TMEM210: variants seen among roughly 807,000 people sequenced by gnomAD.
The protein encoded by TMEM210 is transmembrane protein 210.
Under a neutral mutation model 10.3 loss-of-function variants are expected in TMEM210, and 7 were observed. The ratio of observed to expected loss-of-function variants is 0.68; its 90% CI spans 0.39 to 1.28. The LOEUF (loss-of-function observed/expected upper bound fraction) is 1.28, where lower values mean the gene tolerates loss of function less well. TMEM210 is among the 50% of genes most tolerant of loss of function. The pLI, the probability that TMEM210 is intolerant of heterozygous loss-of-function variation, is 0.01. For synonymous variants in TMEM210, 79 were observed against 81.2 expected (o/e 0.97, Z 0.14); for missense variants, 185 against 197.8 (o/e 0.94, Z 0.39).
Position 137,170,949 on chromosome 9 carries a change from C to T in TMEM210, c.*26G>A, listed in dbSNP as rs1294263146. 6.6e-7 allele frequency: 1 copy of T among 1,524,208 alleles called. No individual in the cohort carries two copies. The highest frequency in any genetic ancestry group is 8.8e-7 in the Non-Finnish European group (1 of 1,140,308). The allele number at this position is 1,524,208 out of a possible 1,614,324, so 94.4% of individuals were successfully genotyped here. ...CACAGCCACTAAATACGCTTTAATTCCCCTCCCCCAGCTGCCCTCAGCCCT... is the reference window on the plus strand; with the variant it reads ...CACAGCCACTAAATACGCTTTAATTTCCCTCCCCCAGCTGCCCTCAGCCCT... On this transcript the variant is annotated 3_prime_UTR_variant, in exon 4 of 4. Transcript: ENST00000413619.
rs778703871 is a variant in TMEM210, at chr9:137,171,067, C to G, written c.352G>C (p.Val118Leu). Residue 118 changes from valine (V) to leucine (L), a missense_variant, in exon 4 of 4, where the codon GTG (valine) becomes CTG (leucine). Coordinates refer to ENST00000413619, the MANE Select transcript of TMEM210 (RefSeq NM_001282477.2). ...AGGCTCTGATCCTCTAGTGGTGGCACCAGGGAGACCTCCAGGTCAGCGTCC... is the reference window on the plus strand; with the variant it reads ...AGGCTCTGATCCTCTAGTGGTGGCAGCAGGGAGACCTCCAGGTCAGCGTCC... ...LMDADLEVSL[V>L]PPLEDQSLVA... 3.9e-6 allele frequency: 6 copies of G among 1,535,372 alleles called. No individual in the cohort carries two copies. The highest frequency in any genetic ancestry group is 2.0e-5 in the Admixed American group (1 of 50,956).
Position 137,171,116 on chromosome 9 carries a change from C to A in TMEM210, c.303G>T (p.Pro101=). Residue 101 remains proline, a synonymous_variant, in exon 4 of 4, where the codon CCG becomes CCT. Transcript: ENST00000413619. ...GVQEDLMDLH[P]VYVESQLMDA... ...CCATTAGCTGGGACTCCACGTAAAC[C>A]GGGTGCAGGTCCATGAGATCTTCCT... 1 of 1,535,344 alleles carries A rather than the reference C, an allele frequency of 6.5e-7. No individual in the cohort carries two copies. The highest frequency in any genetic ancestry group is 8.7e-7 in the Non-Finnish European group (1 of 1,146,520).
rs1224592785 is a variant in TMEM210, at chr9:137,171,830, C to G, written c.89-54G>C. On this transcript the variant is annotated intron_variant, in intron 1 of 3. Transcript: ENST00000413619. ...GCCGGTCACCTGCCTGCAGAGGGCC[C>G]CCAAGTCTGCCCCTGCCCTGGTAGC... The G allele has an allele frequency of 2.0e-6, 3 of 1,466,818 alleles. No individual in the cohort carries two copies. The African/African-American group carries it at 4.2e-5, about 21-fold the overall frequency. The allele number at this position is 1,466,818 out of a possible 1,614,324, so 90.9% of individuals were successfully genotyped here.
At chr9:137,171,319 CCCT>C (rs975565761) in intron 3 of TMEM210, 92 bp downstream of exon 3, 3 of 1,515,796 alleles carry the variant, frequency 2.0e-6, no homozygotes, top group Non-Finnish European at 1.8e-6. Context: ...GGGACAGCAC[CCCT>C]CCTCCTCCAG....
chr9:137,172,050 C>T lies in TMEM210; in HGVS notation c.-23G>A, dbSNP rs1339328659. Reference sequence around the variant, plus strand: ...CATGTCCAGCCCTGGCCCCACTGCACACCTCTGACGGAACTGTTGGAAGGT... The same window carrying T: ...CATGTCCAGCCCTGGCCCCACTGCATACCTCTGACGGAACTGTTGGAAGGT... On this transcript the variant is annotated 5_prime_UTR_variant, in exon 1 of 4. In the 5' UTR this introduces an upstream ATG that the reference lacks. Transcript: ENST00000413619. 2.2e-6 allele frequency: 3 copies of T among 1,373,502 alleles called. No homozygotes were observed. Among genetic ancestry groups the T allele is most frequent in the Admixed American group, 6.9e-5 (2 of 29,026 alleles). The allele number at this position is 1,373,502 out of a possible 1,614,324, so 85.1% of individuals were successfully genotyped here. A position where few individuals can be genotyped will look rare whatever the true frequency, so the allele number is the denominator to read the frequency against.
rs1168700402 is a variant in TMEM210, at chr9:137,171,926, G to T, written c.88+14C>A. The T allele has an allele frequency of 2.8e-6, 4 of 1,433,838 alleles. No homozygotes were observed. In the African/African-American group the frequency reaches 5.7e-5, roughly 21 times the overall value. The allele number at this position is 1,433,838 out of a possible 1,614,324, so 88.8% of individuals were successfully genotyped here. On this transcript the variant is annotated intron_variant, in intron 1 of 3. Coordinates refer to ENST00000413619, the MANE Select transcript of TMEM210 (RefSeq NM_001282477.2). ...CCATGGCTGGGAGTGGAGTGCGGGG[G>T]CAGGAGGAGGCACCTGCAGCAGGGA...
rs1409912950 is a variant in TMEM210 at position 137,171,925 on chromosome 9, GGC to G, written c.88+13_88+14del. Reference sequence around the variant, plus strand: ...GCCATGGCTGGGAGTGGAGTGCGGGGGCAGGAGGAGGCACCTGCAGCAGGGAT... The same window carrying G: ...GCCATGGCTGGGAGTGGAGTGCGGGGAGGAGGAGGCACCTGCAGCAGGGAT... On this transcript the variant is annotated intron_variant, in intron 1 of 3. Transcript: ENST00000413619. The G allele has an allele frequency of 1.3e-5, 18 of 1,433,540 alleles. No individual in the cohort carries two copies. Among genetic ancestry groups the G allele is most frequent in the Non-Finnish European group, 1.5e-5 (17 of 1,097,042 alleles). 88.8% of individuals were successfully genotyped at this position (1,433,540 alleles called of 1,614,324 possible).
rs368979492 is a variant in TMEM210, at chr9:137,171,876, T to G, written c.88+64A>C. The G allele has an allele frequency of 2.2e-4, 309 of 1,434,342 alleles. No homozygotes were observed. The African/African-American group carries it at 4.0e-3, about 19-fold the overall frequency. The allele number at this position is 1,434,342 out of a possible 1,614,324, so 88.9% of individuals were successfully genotyped here. A position where few individuals can be genotyped will look rare whatever the true frequency, so the allele number is the denominator to read the frequency against. ...GTAGCCACCAGAAGGACACCAGAGC[T>G]CCCACCTTGCCTGGGGAAGGGGAGC... On this transcript the variant is annotated intron_variant, in intron 1 of 3. Coordinates refer to ENST00000413619, the MANE Select transcript of TMEM210 (RefSeq NM_001282477.2).
Position 137,171,736 on chromosome 9 carries a change from CT to C in TMEM210, c.128del (p.Glu43GlyfsTer66). 1 of 1,535,354 alleles carries C rather than the reference CT, an allele frequency of 6.5e-7. No homozygotes were observed. Among genetic ancestry groups the C allele is most frequent in the Non-Finnish European group, 8.7e-7 (1 of 1,146,514 alleles). On this transcript the variant is annotated frameshift_variant, in exon 2 of 4. Coordinates refer to ENST00000413619, the MANE Select transcript of TMEM210 (RefSeq NM_001282477.2). LOFTEE classifies it high-confidence loss of function. ...YCECSLGLSR[E>X]ALIALLVVLA... ...GCACCACAAGGAGGGCGATGAGGGC[CT>C]CGCGGCTGAGGCCAAGGCTGCATTC...
At position 137,171,736 on chromosome 9, in the gene TMEM210, C is replaced by T. The variant is rs1337019562; in HGVS notation, c.129G>A (p.Glu43=). 5.2e-6 allele frequency: 8 copies of T among 1,535,236 alleles called. No individual in the cohort carries two copies. Among genetic ancestry groups the T allele is most frequent in the Non-Finnish European group, 7.0e-6 (8 of 1,146,522 alleles). Residue 43 remains glutamate (E), a synonymous_variant, in exon 2 of 4, where the codon GAG becomes GAA. Transcript: ENST00000413619. ...GCACCACAAGGAGGGCGATGAGGGC[C>T]TCGCGGCTGAGGCCAAGGCTGCATT... ...YCECSLGLSR[E]ALIALLVVLA...
In TMEM210 at chr9:137,171,062, T is replaced by C; in HGVS notation, c.357A>G (p.Pro119=). ...CCACAAGGCTCTGATCCTCTAGTGG[T>C]GGCACCAGGGAGACCTCCAGGTCAG... is the stretch of plus-strand genomic sequence containing the variant. ...MDADLEVSLV[P]PLEDQSLVAI... The change falls in exon 4 of 4, where the codon CCA becomes CCG. Residue 119 remains proline, a synonymous_variant. Transcript: ENST00000413619. 1 of 1,535,330 alleles carries C rather than the reference T, an allele frequency of 6.5e-7. No individual in the cohort carries two copies. Among genetic ancestry groups the C allele is most frequent in the South Asian group, 1.2e-5 (1 of 84,056 alleles).
rs72763276 is a variant in TMEM210 at position 137,171,651 on chromosome 9, G to A, written c.214C>T (p.Arg72Trp). Residue 72 changes from arginine (R) to tryptophan (W), a missense_variant, in exon 2 of 4, where the codon CGG becomes TGG. Transcript: ENST00000413619. ...CCAGGGTTCACGCACCCCTTGGCCC[G>A]CAAGACACCAATTGCCACGATGACG... ...ALVIVAIGVL[R>W]AKGETCPRQV... is the part of the protein sequence containing the mutation. 0.011 allele frequency: 16,483 copies of A among 1,534,548 alleles called. 122 individuals are homozygous for A. The highest frequency in any genetic ancestry group is 0.012 in the Non-Finnish European group (14,322 of 1,146,042).
At chr9:137,171,826 G>A (rs549372469) in intron 1 of TMEM210, 50 bp from the exon 2 acceptor site, 131 of 1,475,240 alleles carry the variant, frequency 8.9e-5, no homozygotes, top group Non-Finnish European at 1.2e-4. Flanking sequence ...GCCTGCAGAG[G>A]GCCCCCAAGT....
chr9:137,171,196 T>C (rs1429699251), intron 3 of TMEM210, 32 bp from the exon 4 acceptor site: 3 of 1,527,868 alleles, frequency 2.0e-6, no homozygotes, highest in Non-Finnish European at 2.6e-6. Context: ...CACGAGCTGG[T>C]AGAGTCCTTG....
intron 3 of TMEM210, 76 bp from the exon 4 acceptor site, chr9:137,171,240 C>T (rs1187077492): frequency 2.0e-6 from 3 of 1,489,028 alleles, no homozygotes; most frequent in Non-Finnish European, 2.7e-6. Flanking sequence ...TGGGACAGTG[C>T]ACCCCCACAA....
Position 137,171,933 on chromosome 9 carries a change from G to A in TMEM210, c.88+7C>T. 7.0e-7 allele frequency: 1 copy of A among 1,433,552 alleles called. No individual in the cohort carries two copies. The highest frequency in any genetic ancestry group is 9.1e-7 in the Non-Finnish European group (1 of 1,097,010). 88.8% of individuals were successfully genotyped at this position (1,433,552 alleles called of 1,614,324 possible). A position where few individuals can be genotyped will look rare whatever the true frequency, so the allele number is the denominator to read the frequency against. On this transcript the variant is annotated splice_region_variant and intron_variant, in intron 1 of 3. Coordinates refer to ENST00000413619, the MANE Select transcript of TMEM210 (RefSeq NM_001282477.2). Reference sequence around the variant, plus strand: ...TGGGAGTGGAGTGCGGGGGCAGGAGGAGGCACCTGCAGCAGGGATGAGCAG... The same window carrying A: ...TGGGAGTGGAGTGCGGGGGCAGGAGAAGGCACCTGCAGCAGGGATGAGCAG...
chr9:137,171,835 G>A (rs746968635), intron 1 of TMEM210, 59 bp from the exon 2 acceptor site: 114 of 1,466,344 alleles, frequency 7.8e-5, no homozygotes, highest in Non-Finnish European at 9.4e-5. Flanking sequence ...GGGCCCCCAA[G>A]TCTGCCCCTG....
Position 137,171,176 on chromosome 9 carries a change from G to A in TMEM210, c.255-12C>T, listed in dbSNP as rs1834099627. ...AATTCTCCACCAACCTGCATGACGG[G>A]CCGGGTCATCACGAGCTGGTAGAGT... On this transcript the variant is annotated splice_polypyrimidine_tract_variant and intron_variant, in intron 3 of 3. Coordinates refer to ENST00000413619, the MANE Select transcript of TMEM210 (RefSeq NM_001282477.2). 5 of 1,533,186 alleles carry A rather than the reference G, an allele frequency of 3.3e-6. No homozygotes were observed. In the African/African-American group the frequency reaches 4.1e-5, roughly 13 times the overall value. 95.0% of individuals were successfully genotyped at this position (1,533,186 alleles called of 1,614,324 possible). A position where few individuals can be genotyped will look rare whatever the true frequency, so the allele number is the denominator to read the frequency against.
In TMEM210 at chr9:137,171,189, G is replaced by A. The variant is rs533602182; in HGVS notation, c.255-25C>T. The A allele has an allele frequency of 1.9e-5, 29 of 1,529,540 alleles. No individual in the cohort carries two copies. In the Admixed American group the frequency reaches 2.8e-4, roughly 15 times the overall value. The allele number at this position is 1,529,540 out of a possible 1,614,324, so 94.7% of individuals were successfully genotyped here. On this transcript the variant is annotated intron_variant, in intron 3 of 3. Transcript: ENST00000413619. Reference sequence around the variant, plus strand: ...CCTGCATGACGGGCCGGGTCATCACGAGCTGGTAGAGTCCTTGTTCCCCCA... The same window carrying A: ...CCTGCATGACGGGCCGGGTCATCACAAGCTGGTAGAGTCCTTGTTCCCCCA...
Sources: gnomAD v4.1 joint callset for allele counts on GRCh38, gnomAD v4.1.1 for gene constraint, MANE v1.5 for transcripts, NCBI Gene and HGNC (gene_info 2026-07-23, HGNC 2026-07-21) for gene names.